The following TMEM108 variants were observed in gnomAD, a reference collection of about 807,000 sequenced individuals.
TMEM108 encodes transmembrane protein 108, also known as cancer/testis antigen 124.
Under a neutral mutation model 35.1 loss-of-function variants are expected in TMEM108, and 12 were observed. The observed-to-expected ratio is 0.34, with a 90% CI of 0.22 to 0.55. TMEM108 has a LOEUF of 0.55. TMEM108 is among the 20% of genes least tolerant of loss of function. TMEM108 has a pLI of 0.89. For synonymous variants in TMEM108, 287 were observed against 308.6 expected, an observed-to-expected ratio of 0.93 and a Z score of 0.73; for missense variants, 680 against 753.3, an observed-to-expected ratio of 0.90 and a Z score of 1.14.
At chr3:133,384,115 C>A (rs2073083627) in intron 4 of TMEM108, among the ~76,000 whole-genome samples, 1 of 152,208 alleles carries the variant, frequency 6.6e-6, no homozygotes, top group South Asian at 2.1e-4. Context: ...CAGACCTCTT[C>A]CACGTCTAAG....
intron 3 of TMEM108, among the ~76,000 whole-genome samples, chr3:133,287,609 A>G (rs532726678): frequency 6.6e-6 from 1 of 152,318 alleles, no homozygotes; most frequent in African/African-American, 2.4e-5. Flanking sequence ...ATGATGGTAG[A>G]TGATAAAATG....
At chr3:133,273,913 C>G (rs759651130) in intron 3 of TMEM108, among the ~76,000 whole-genome samples, 5 of 152,194 alleles carry the variant, frequency 3.3e-5, no homozygotes, top group African/African-American at 4.8e-5. Flanking sequence ...GATAGATATT[C>G]TTCAAGGGTT....
chr3:133,184,046 C>A (rs1487574121), intron 2 of TMEM108, among the ~76,000 whole-genome samples: 2 of 152,162 alleles, frequency 1.3e-5, no homozygotes, highest in Non-Finnish European at 2.9e-5. Context: ...GACAAAAGAA[C>A]TGGCACAGCC....
At chr3:133,050,306 C>A (rs1943388365) in intron 2 of TMEM108, among the ~76,000 whole-genome samples, 1 of 152,032 alleles carries the variant, frequency 6.6e-6, no homozygotes, top group African/African-American at 2.4e-5. Flanking sequence ...TCCTGCCTTT[C>A]TTTCTTTCTC....
At chr3:133,053,166 A>G (rs1576293352) in intron 2 of TMEM108, among the ~76,000 whole-genome samples, 1 of 152,172 alleles carries the variant, frequency 6.6e-6, no homozygotes, top group East Asian at 1.9e-4. Flanking sequence ...CAGAAACCAC[A>G]GGGGGTTGTC....
chr3:133,332,066 G>A (rs532037405), intron 3 of TMEM108, among the ~76,000 whole-genome samples: 95 of 133,592 alleles, frequency 7.1e-4, no homozygotes, highest in East Asian at 1.1e-3. Context: ...GTGCTTGTGC[G>A]CGTGCGTGCG....
intron 1 of TMEM108, among the ~76,000 whole-genome samples, chr3:133,045,364 T>G (rs562882945): frequency 6.6e-6 from 1 of 152,208 alleles, no homozygotes; most frequent in Non-Finnish European, 1.5e-5. Flanking sequence ...TCAAGGTTAC[T>G]GTGCTAGTGT....
chr3:133,324,464 A>G (rs1386875977), intron 3 of TMEM108, among the ~76,000 whole-genome samples: 6 of 152,254 alleles, frequency 3.9e-5, no homozygotes, highest in Non-Finnish European at 5.9e-5. Context: ...CATTACCACA[A>G]TGAGATACCA....
chr3:133,354,539 C>T (rs1041081674), intron 3 of TMEM108, among the ~76,000 whole-genome samples: 2 of 152,158 alleles, frequency 1.3e-5, no homozygotes, highest in African/African-American at 4.8e-5. Context: ...TCTTGCAGCA[C>T]CTCTGTGAAT....
At chr3:133,342,486 T>G (rs1400378979) in intron 3 of TMEM108, among the ~76,000 whole-genome samples, 2 of 135,078 alleles carry the variant, frequency 1.5e-5, no homozygotes, top group African/African-American at 5.5e-5. Flanking sequence ...CCAAAATATA[T>G]ACACCCACTA....
intron 3 of TMEM108, among the ~76,000 whole-genome samples, chr3:133,343,708 G>T (rs1326729569): frequency 6.6e-6 from 1 of 151,826 alleles, no homozygotes; most frequent in Non-Finnish European, 1.5e-5. Context: ...ACTAAAAATG[G>T]GCTGTACAGT....
chr3:133,159,336 G>C (rs113692417), intron 2 of TMEM108, among the ~76,000 whole-genome samples: 2 of 152,260 alleles, frequency 1.3e-5, no homozygotes, highest in African/African-American at 4.8e-5. Flanking sequence ...CTGGAATTTA[G>C]CTGTTTTAAA....
chr3:133,109,092 G>T (rs1215073819), intron 2 of TMEM108, among the ~76,000 whole-genome samples: 1 of 152,052 alleles, frequency 6.6e-6, no homozygotes, highest in Admixed American at 6.6e-5. Context: ...GCTTTGCTTG[G>T]AGTTCATTGG....
intron 2 of TMEM108, among the ~76,000 whole-genome samples, chr3:133,111,635 A>G (rs1393064607): frequency 6.6e-6 from 1 of 152,126 alleles, no homozygotes; most frequent in Non-Finnish European, 1.5e-5. Context: ...ATCATACTAT[A>G]TAATATGCAT....
chr3:133,184,023 G>A (rs1170977470), intron 2 of TMEM108, among the ~76,000 whole-genome samples: 1 of 152,166 alleles, frequency 6.6e-6, no homozygotes, highest in African/African-American at 2.4e-5. Context: ...GCCAGTGGAT[G>A]CCAGGCAGTA....
chr3:133,295,133 C>T (rs1445166120), intron 3 of TMEM108, among the ~76,000 whole-genome samples: 1 of 152,152 alleles, frequency 6.6e-6, no homozygotes. Flanking sequence ...ACATTTAGAT[C>T]ATAAGCACTT....
intron 2 of TMEM108, among the ~76,000 whole-genome samples, chr3:133,208,993 T>C (rs932041826): frequency 3.3e-5 from 5 of 152,162 alleles, no homozygotes; most frequent in Non-Finnish European, 7.3e-5. Context: ...CTCAAAACTA[T>C]CTTGCAGTAT....
intron 3 of TMEM108, among the ~76,000 whole-genome samples, chr3:133,263,518 A>G (rs1946654509): frequency 6.6e-6 from 1 of 152,234 alleles, no homozygotes; most frequent in Admixed American, 6.5e-5. Flanking sequence ...GACCTGTTGG[A>G]AAGGTGAAAA....
chr3:133,072,670 C>G (rs376775985), intron 2 of TMEM108, among the ~76,000 whole-genome samples: 4 of 152,026 alleles, frequency 2.6e-5, no homozygotes, highest in Non-Finnish European at 5.9e-5. Context: ...TTATAATTTA[C>G]GTATTATAAA....
Sources: gnomAD v4.1 joint callset for allele counts (sites outside exome capture counted in the v4.1 genomes callset) on GRCh38, gnomAD v4.1.1 for gene constraint, MANE v1.5 for transcripts, NCBI Gene and HGNC (gene_info 2026-07-23, HGNC 2026-07-21) for gene names.